The following SYT16 variants were observed in gnomAD, a reference collection of about 807,000 sequenced individuals.
SYT16 encodes synaptotagmin 16.
Under a neutral mutation model 61.4 loss-of-function variants are expected in SYT16, and 42 were observed. That is an observed-to-expected ratio of 0.68 (90% CI 0.53 to 0.89). The LOEUF is 0.89. SYT16 is among the 40% of genes least tolerant of loss of function. The probability of loss-of-function intolerance (pLI) is 0.00; values close to 1 mark genes in which losing one functional copy is unlikely to be tolerated. For synonymous variants in SYT16, 314 were observed against 302.3 expected (o/e 1.04, Z -0.40); for missense variants, 804 against 807.3 (o/e 1.00, Z 0.05).
chr14:61,833,301 T>G (rs1455315534), intron 1 of SYT16, among the ~76,000 whole-genome samples: 1 of 151,314 alleles, frequency 6.6e-6, no homozygotes, highest in Non-Finnish European at 1.5e-5. Flanking sequence ...TTTTCTTTTT[T>G]TTTTTTTTGA....
At chr14:62,092,913 T>G (rs992786066) in intron 7 of SYT16, among the ~76,000 whole-genome samples, 1 of 152,020 alleles carries the variant, frequency 6.6e-6, no homozygotes, top group African/African-American at 2.4e-5. Context: ...TTTTTAAAAT[T>G]GAAAAAAATA....
Position 61,953,551 on chromosome 14 carries a change from A to G in SYT16, c.-324-16581A>G, listed in dbSNP as rs1303717731. ...GGTGACCTCCTAAATTGCTGGTGAC[A>G]CTGAAAGTGACCAGCACTGTTGCTG... On this transcript the variant is annotated intron_variant, in intron 1 of 7. Transcript: ENST00000683842. 2.0e-5 allele frequency among the ~76,000 whole-genome samples: 3 copies of G among 152,184 alleles called. No individual in the cohort carries two copies. In the East Asian group the frequency reaches 5.8e-4, roughly 29 times the overall value.
At chr14:62,078,012 C>T (rs1477919153) in intron 5 of SYT16, among the ~76,000 whole-genome samples, 1 of 152,062 alleles carries the variant, frequency 6.6e-6, no homozygotes, top group Admixed American at 6.6e-5. Context: ...TATTAACTAA[C>T]ATTAAGAGCA....
intron 1 of SYT16, among the ~76,000 whole-genome samples, chr14:61,878,106 A>G (rs1168217744): frequency 2.0e-5 from 3 of 152,222 alleles, no homozygotes; most frequent in African/African-American, 4.8e-5. Flanking sequence ...AGTTTCAATA[A>G]GAGTATTACA....
chr14:61,963,391 G>A (rs964094632), intron 1 of SYT16, among the ~76,000 whole-genome samples: 15 of 152,178 alleles, frequency 9.9e-5, no homozygotes, highest in African/African-American at 3.6e-4. Context: ...TGATAAGGAA[G>A]CAAAACAGCC....
At chr14:61,888,125 CTTTTTT>C (rs756842240) in intron 1 of SYT16, among the ~76,000 whole-genome samples, 1 of 134,198 alleles carries the variant, frequency 7.5e-6, no homozygotes, top group Non-Finnish European at 1.6e-5. Context: ...CTTTTCTTTT[CTTTTTT>C]TTTTTTTTTT....
chr14:61,910,639 C>T (rs1408765289), intron 1 of SYT16, among the ~76,000 whole-genome samples: 3 of 151,780 alleles, frequency 2.0e-5, no homozygotes, highest in African/African-American at 7.3e-5. Context: ...CAAAGATTCT[C>T]TATCTCAGCC....
At chr14:62,015,947 A>G (rs1413973294) in intron 3 of SYT16, among the ~76,000 whole-genome samples, 2 of 152,174 alleles carry the variant, frequency 1.3e-5, no homozygotes, top group Non-Finnish European at 2.9e-5. Flanking sequence ...TGTTTCTTTG[A>G]GATATAAGGC....
intron 1 of SYT16, among the ~76,000 whole-genome samples, chr14:61,965,892 C>T (rs1037037210): frequency 2.6e-5 from 4 of 151,752 alleles, no homozygotes; most frequent in East Asian, 1.9e-4. Flanking sequence ...AAAAGAGACT[C>T]ACAGAAGGAT....
intron 5 of SYT16, among the ~76,000 whole-genome samples, chr14:62,076,968 C>A (rs1231115928): frequency 6.6e-6 from 1 of 152,224 alleles, no homozygotes; most frequent in Non-Finnish European, 1.5e-5. Flanking sequence ...GTGCTCCATT[C>A]AACCTCCTAT....
intron 4 of SYT16, among the ~76,000 whole-genome samples, chr14:62,073,579 T>C (rs935655518): frequency 6.6e-6 from 1 of 152,158 alleles, no homozygotes; most frequent in African/African-American, 2.4e-5. Flanking sequence ...AACTGAATAA[T>C]GAAGGATAAC....
intron 1 of SYT16, among the ~76,000 whole-genome samples, chr14:61,847,787 C>T (rs563353257): frequency 2.2e-4 from 33 of 152,182 alleles, no homozygotes; most frequent in African/African-American, 7.9e-4. Context: ...TTTCAAATAG[C>T]CTGTCTTCAA....
intron 3 of SYT16, among the ~76,000 whole-genome samples, chr14:62,045,443 T>C (rs996043210): frequency 6.6e-6 from 1 of 152,170 alleles, no homozygotes; most frequent in Non-Finnish European, 1.5e-5. Flanking sequence ...TTTGTATTTT[T>C]CTTTTTTAAA....
At chr14:62,053,599 G>C (rs978483374) in intron 3 of SYT16, among the ~76,000 whole-genome samples, 11 of 152,152 alleles carry the variant, frequency 7.2e-5, no homozygotes, top group East Asian at 1.9e-4. Context: ...AAATTCCTTT[G>C]TTCATTCACT....
At chr14:61,957,403 C>A (rs1204779776) in intron 1 of SYT16, among the ~76,000 whole-genome samples, 2 of 151,896 alleles carry the variant, frequency 1.3e-5, no homozygotes, top group South Asian at 2.1e-4. Flanking sequence ...TAGAGGGAAG[C>A]TTTCCACTTT....
chr14:62,042,913 C>A (rs567503140), intron 3 of SYT16, among the ~76,000 whole-genome samples: 1 of 152,276 alleles, frequency 6.6e-6, no homozygotes, highest in Non-Finnish European at 1.5e-5. Flanking sequence ...CATTTCTCAC[C>A]TCTCAGGAAT....
At position 61,939,759 on chromosome 14, in the gene SYT16, C is replaced by T. The variant is rs555446285; in HGVS notation, c.-324-30373C>T. Among the ~76,000 whole-genome samples the T allele has an allele frequency of 2.4e-3, 364 of 152,248 alleles. 1 individual carries two copies. Among genetic ancestry groups the T allele is most frequent in the Middle Eastern group, 6.8e-3 (2 of 294 alleles). On this transcript the variant is annotated intron_variant, in intron 1 of 7. Transcript: ENST00000683842. ...TTATGGGAGACACAGTTCAGTCCATCACAGTGTCTAAGGGGGAAGAAAAAG... is the reference window on the plus strand; with the variant it reads ...TTATGGGAGACACAGTTCAGTCCATTACAGTGTCTAAGGGGGAAGAAAAAG...
chr14:62,044,858 T>A (rs946308762), intron 3 of SYT16, among the ~76,000 whole-genome samples: 1 of 152,138 alleles, frequency 6.6e-6, no homozygotes, highest in African/African-American at 2.4e-5. Flanking sequence ...ATAAATTTTG[T>A]GGAGAGTGCA....
intron 2 of SYT16, among the ~76,000 whole-genome samples, chr14:61,979,332 A>G (rs970030709): frequency 2.6e-5 from 4 of 152,208 alleles, no homozygotes; most frequent in African/African-American, 7.2e-5. Context: ...TGAATTAAAT[A>G]TAGGCAGAGA....
Sources: allele counts gnomAD v4.1 joint callset (sites outside exome capture counted in the v4.1 genomes callset), GRCh38; gene constraint gnomAD v4.1.1; transcripts MANE v1.5; gene names NCBI Gene and HGNC (gene_info 2026-07-23, HGNC 2026-07-21).